The following PTK2 variants were observed in gnomAD, a reference collection of about 807,000 sequenced individuals.
PTK2 encodes focal adhesion kinase 1.
In PTK2, 45 loss-of-function variants were observed where a neutral mutation model predicts 150.1. That is an observed-to-expected ratio of 0.30 (90% CI 0.24 to 0.38). The LOEUF is 0.38. PTK2 is among the 10% of genes least tolerant of loss of function. The pLI, the probability that PTK2 is intolerant of heterozygous loss-of-function variation, is 1.00. For synonymous variants in PTK2, 432 were observed against 449.2 expected, an observed-to-expected ratio of 0.96 and a Z score of 0.48; for missense variants, 919 against 1,307.3, an observed-to-expected ratio of 0.70 and a Z score of 4.58.
intron 27 of PTK2, among the ~76,000 whole-genome samples, chr8:140,682,113 C>T (rs368546073): frequency 3.3e-5 from 5 of 152,202 alleles, no homozygotes; most frequent in African/African-American, 1.2e-4. Context: ...GAGACTTTTA[C>T]AACCATGTAG....
intron 3 of PTK2, among the ~76,000 whole-genome samples, chr8:140,889,710 A>AT (rs1353661881): frequency 6.6e-6 from 1 of 152,184 alleles, no homozygotes; most frequent in Non-Finnish European, 1.5e-5. Flanking sequence ...TTAAAGATGA[A>AT]TATAGACTAG....
At chr8:140,696,148 G>T (rs1379891470) in intron 26 of PTK2, among the ~76,000 whole-genome samples, 1 of 152,084 alleles carries the variant, frequency 6.6e-6, no homozygotes, top group African/African-American at 2.4e-5. Flanking sequence ...CTGAACAAAC[G>T]GTACGATGGG....
At chr8:140,864,151 AAATT>A (rs2100137901) in intron 5 of PTK2, among the ~76,000 whole-genome samples, 157 bp downstream of exon 5, 1 of 152,244 alleles carries the variant, frequency 6.6e-6, no homozygotes, top group Admixed American at 6.5e-5. Context: ...AAGAACAAAA[AAATT>A]AATAATTTCT....
chr8:140,848,556 C>T (rs1222980177), intron 5 of PTK2, among the ~76,000 whole-genome samples: 1 of 152,174 alleles, frequency 6.6e-6, no homozygotes, highest in Non-Finnish European at 1.5e-5. Context: ...AGAGTTTCTA[C>T]TCCTTCCACA....
chr8:140,960,405 T>C (rs966039688), intron 1 of PTK2, among the ~76,000 whole-genome samples: 11 of 152,092 alleles, frequency 7.2e-5, no homozygotes, highest in African/African-American at 2.7e-4. Flanking sequence ...AGACGGGGTT[T>C]CACCATGTTG....
At chr8:140,956,701 T>G (rs1346725338) in intron 1 of PTK2, among the ~76,000 whole-genome samples, 1 of 152,206 alleles carries the variant, frequency 6.6e-6, no homozygotes, top group African/African-American at 2.4e-5. Context: ...TTGATATTGA[T>G]GATCCTGACC....
intron 1 of PTK2, among the ~76,000 whole-genome samples, chr8:140,994,575 G>A (rs1049662272): frequency 6.6e-6 from 1 of 152,018 alleles, no homozygotes; most frequent in Non-Finnish European, 1.5e-5. Flanking sequence ...TTGAACTCCT[G>A]GCCTCAAGCA....
intron 8 of PTK2, among the ~76,000 whole-genome samples, chr8:140,823,399 C>T (rs997152108): frequency 6.6e-6 from 1 of 152,062 alleles, no homozygotes; most frequent in African/African-American, 2.4e-5. Context: ...TTGTTCAATG[C>T]TTTTTAAAAT....
chr8:140,897,663 A>C (rs1183446414), intron 2 of PTK2, among the ~76,000 whole-genome samples: 1 of 152,166 alleles, frequency 6.6e-6, no homozygotes, highest in African/African-American at 2.4e-5. Flanking sequence ...TCAACTATAG[A>C]ATGACAAGTC....
At chr8:140,800,137 AATTTT>A (rs1747432115) in intron 12 of PTK2, among the ~76,000 whole-genome samples, 1 of 152,140 alleles carries the variant, frequency 6.6e-6, no homozygotes, top group Non-Finnish European at 1.5e-5. Context: ...TTAAACCCAG[AATTTT>A]ATTTAAACCC....
chr8:140,852,830 C>T (rs935807160), intron 5 of PTK2, among the ~76,000 whole-genome samples: 1 of 152,192 alleles, frequency 6.6e-6, no homozygotes, highest in Non-Finnish European at 1.5e-5. Context: ...AGCGGCAGGT[C>T]TGGGATGCTC....
chr8:140,967,821 C>T (rs11990900), intron 1 of PTK2, among the ~76,000 whole-genome samples: 63,434 of 151,932 alleles, frequency 0.42, 15,153 homozygotes, highest in Non-Finnish European at 0.55. Flanking sequence ...CCCCAATGTT[C>T]AAAATACACA....
At chr8:140,690,978 T>C (rs867494130) in intron 26 of PTK2, among the ~76,000 whole-genome samples, 9 of 152,266 alleles carry the variant, frequency 5.9e-5, no homozygotes, top group East Asian at 1.9e-4. Flanking sequence ...ACACATAGGA[T>C]TGTTAGGAGG....
intron 2 of PTK2, among the ~76,000 whole-genome samples, chr8:140,904,406 T>C (rs568535833): frequency 6.6e-6 from 1 of 152,340 alleles, no homozygotes; most frequent in Admixed American, 6.5e-5. Context: ...TGCCAGCATT[T>C]TATTGAGGAT....
intron 10 of PTK2, among the ~76,000 whole-genome samples, chr8:140,804,174 C>T (rs2100096904): frequency 6.6e-6 from 1 of 151,828 alleles, no homozygotes; most frequent in Admixed American, 6.6e-5. Flanking sequence ...CCTCTTAAGC[C>T]ATGCCAGGAG....
At chr8:140,865,665 T>C (rs1181248885) in intron 4 of PTK2, among the ~76,000 whole-genome samples, 1 of 152,254 alleles carries the variant, frequency 6.6e-6, no homozygotes, top group Non-Finnish European at 1.5e-5. Context: ...ACTTTTACTC[T>C]CAGACAGAGT....
At chr8:140,781,713 C>T (rs185499649) in intron 14 of PTK2, among the ~76,000 whole-genome samples, 52 of 152,320 alleles carry the variant, frequency 3.4e-4, no homozygotes, top group Middle Eastern at 3.4e-3. Flanking sequence ...CTGCCTGCAG[C>T]TGAGACGAGT....
intron 27 of PTK2, among the ~76,000 whole-genome samples, chr8:140,680,259 C>T (rs1589747264): frequency 6.6e-6 from 1 of 152,098 alleles, no homozygotes; most frequent in Admixed American, 6.6e-5. Flanking sequence ...CAGAGTTTTG[C>T]TCTTTTGGCT....
intron 1 of PTK2, among the ~76,000 whole-genome samples, chr8:140,992,514 T>C (rs1296888699): frequency 6.6e-6 from 1 of 151,944 alleles, no homozygotes; most frequent in Non-Finnish European, 1.5e-5. Context: ...CCACCCTCAG[T>C]GTTTGATTCA....
Sources: allele counts gnomAD v4.1 joint callset (sites outside exome capture counted in the v4.1 genomes callset), GRCh38; gene constraint gnomAD v4.1.1; transcripts MANE v1.5; gene names NCBI Gene and HGNC (gene_info 2026-07-23, HGNC 2026-07-21).